The following AP3B1 variants were observed in gnomAD, a reference collection of about 807,000 sequenced individuals.
AP3B1 encodes adaptor related protein complex 3 subunit beta 1.
Under a neutral mutation model 132.5 loss-of-function variants are expected in AP3B1, and 61 were observed. The ratio of observed to expected loss-of-function variants is 0.46; its 90% confidence interval spans 0.37 to 0.57. AP3B1 has a LOEUF of 0.57. Ranked by LOEUF, AP3B1 falls within the 20% of genes least tolerant of loss-of-function variation. The pLI is 0.00. For synonymous variants in AP3B1, 388 were observed against 438.3 expected (o/e 0.89, Z 1.43); for missense variants, 1,120 against 1,289.4 (o/e 0.87, Z 2.01).
At chr5:78,029,699 G>A (rs1049649013) in intron 24 of AP3B1, among the ~76,000 whole-genome samples, 2 of 151,826 alleles carry the variant, frequency 1.3e-5, no homozygotes, top group Non-Finnish European at 2.9e-5. Flanking sequence ...ACAAGTTCTC[G>A]CTATGCTGGC....
At chr5:78,200,828 G>T (rs896891326) in intron 7 of AP3B1, among the ~76,000 whole-genome samples, 1 of 152,108 alleles carries the variant, frequency 6.6e-6, no homozygotes, top group Non-Finnish European at 1.5e-5. Flanking sequence ...AAGGTTTACA[G>T]CTTGGTTGTT....
intron 19 of AP3B1, among the ~76,000 whole-genome samples, chr5:78,112,590 G>A (rs1057361449): frequency 6.6e-6 from 1 of 152,100 alleles, no homozygotes; most frequent in African/African-American, 2.4e-5. Context: ...TTTATAACTC[G>A]TATCATCATA....
chr5:78,250,006 T>C (rs1445848010), intron 2 of AP3B1, among the ~76,000 whole-genome samples: 1 of 152,202 alleles, frequency 6.6e-6, no homozygotes, highest in East Asian at 1.9e-4. Context: ...ATAACAGAAA[T>C]TTCAACAAAT....
rs1746022981 is a variant in AP3B1 at position 78,217,795 on chromosome 5, A to T, written c.604-1558T>A. ...TGGTAAAGGGTGTTAAAGTGCAAAA[A>T]TAAAGGATAGTATCTAGGATAAAAT... is the stretch of plus-strand genomic sequence containing the variant. On this transcript the variant is annotated intron_variant, in intron 6 of 26. Transcript: ENST00000255194. Among the ~76,000 whole-genome samples, 3 of 152,104 alleles carry T rather than the reference A, an allele frequency of 2.0e-5. No homozygotes were observed. In the South Asian group the frequency reaches 6.2e-4, roughly 31 times the overall value.
At chr5:78,023,472 A>G (rs1168848279) in intron 24 of AP3B1, among the ~76,000 whole-genome samples, 1 of 136,430 alleles carries the variant, frequency 7.3e-6, no homozygotes, top group African/African-American at 2.7e-5. Flanking sequence ...GAAAAGAAAA[A>G]AGAAAGGGAA....
chr5:78,194,673 T>C (rs1405626288), intron 7 of AP3B1, among the ~76,000 whole-genome samples: 1 of 152,088 alleles, frequency 6.6e-6, no homozygotes, highest in Non-Finnish European at 1.5e-5. Context: ...AATAAATAAA[T>C]AAATGAGGGA....
At chr5:78,144,141 G>C (rs1430602275) in intron 14 of AP3B1, among the ~76,000 whole-genome samples, 7 of 151,978 alleles carry the variant, frequency 4.6e-5, no homozygotes, top group Admixed American at 4.6e-4. Flanking sequence ...CACACACACA[G>C]AGTCATACAT....
At chr5:78,248,974 G>T (rs1217018498) in intron 2 of AP3B1, among the ~76,000 whole-genome samples, 1 of 151,864 alleles carries the variant, frequency 6.6e-6, no homozygotes, top group Non-Finnish European at 1.5e-5. Flanking sequence ...CTTTATTTTT[G>T]GTTTTCAACC....
chr5:78,287,440 A>T (rs1749329729), intron 1 of AP3B1, among the ~76,000 whole-genome samples: 1 of 152,196 alleles, frequency 6.6e-6, no homozygotes, highest in Admixed American at 6.5e-5. Flanking sequence ...TACAGGCAGT[A>T]TTTCATCAAA....
At chr5:78,119,927 G>A (rs1263836223) in intron 17 of AP3B1, among the ~76,000 whole-genome samples, 2 of 152,174 alleles carry the variant, frequency 1.3e-5, no homozygotes, top group African/African-American at 4.8e-5. Flanking sequence ...AAAACGTTAA[G>A]GGCAGCCAGA....
intron 22 of AP3B1, among the ~76,000 whole-genome samples, chr5:78,085,979 G>C (rs1460959044): frequency 6.6e-6 from 1 of 152,144 alleles, no homozygotes; most frequent in Non-Finnish European, 1.5e-5. Context: ...TTTCAATTTT[G>C]CATATTACGG....
chr5:78,244,143 C>T (rs755566962), intron 2 of AP3B1, among the ~76,000 whole-genome samples: 2 of 152,154 alleles, frequency 1.3e-5, no homozygotes, highest in African/African-American at 4.8e-5. Flanking sequence ...CCTGTAATCC[C>T]GGCACTTTGG....
intron 7 of AP3B1, among the ~76,000 whole-genome samples, chr5:78,185,241 T>C (rs1162716113): frequency 6.6e-6 from 1 of 152,000 alleles, no homozygotes; most frequent in East Asian, 1.9e-4. Flanking sequence ...AGAAAGGAAA[T>C]GATAAAAGAT....
At chr5:78,224,851 C>T (rs1277752584) in intron 6 of AP3B1, among the ~76,000 whole-genome samples, 1 of 151,978 alleles carries the variant, frequency 6.6e-6, no homozygotes, top group Non-Finnish European at 1.5e-5. Flanking sequence ...ATGAAGCAAA[C>T]ACTAACAGAA....
At chr5:78,039,803 GA>G (rs1217620341) in intron 22 of AP3B1, among the ~76,000 whole-genome samples, 9 of 129,894 alleles carry the variant, frequency 6.9e-5, no homozygotes, top group African/African-American at 2.3e-4. Flanking sequence ...GAAAAGAAAA[GA>G]AAAAAAAAAG....
intron 21 of AP3B1, 59 bp from the exon 22 acceptor site, chr5:78,089,558 A>C: frequency 9.1e-7 from 1 of 1,103,466 alleles, no homozygotes; most frequent in South Asian, 1.3e-5. Flanking sequence ...AATTATTAAA[A>C]GCAACATTTT....
In AP3B1 at chr5:78,086,975, G is replaced by A. The variant is rs543807799; in HGVS notation, c.2577+2418C>T. ...AAATACCACAACCCGTAGCATTTGCGTTGCCGAATAACACACCTATATCAA... is the reference window on the plus strand; with the variant it reads ...AAATACCACAACCCGTAGCATTTGCATTGCCGAATAACACACCTATATCAA... On this transcript the variant is annotated intron_variant, in intron 22 of 26. Coordinates refer to ENST00000255194, the MANE Select transcript of AP3B1 (RefSeq NM_003664.5). Among the ~76,000 whole-genome samples, 47 of 152,138 alleles carry A rather than the reference G, an allele frequency of 3.1e-4. No individual in the cohort carries two copies. In the South Asian group the frequency reaches 8.3e-3, roughly 27 times the overall value.
intron 22 of AP3B1, among the ~76,000 whole-genome samples, chr5:78,048,769 C>T (rs1036291955): frequency 6.6e-6 from 1 of 152,160 alleles, no homozygotes; most frequent in African/African-American, 2.4e-5. Flanking sequence ...TGAACTGTAG[C>T]TGTAATTTCC....
At chr5:78,103,580 A>G (rs1316152153) in intron 20 of AP3B1, among the ~76,000 whole-genome samples, 2 of 152,146 alleles carry the variant, frequency 1.3e-5, no homozygotes, top group African/African-American at 4.8e-5. Flanking sequence ...AAGATAGACA[A>G]TTTGTTTTTG....
Sources: gnomAD v4.1 joint callset for allele counts (sites outside exome capture counted in the v4.1 genomes callset) on GRCh38, gnomAD v4.1.1 for gene constraint, MANE v1.5 for transcripts, NCBI Gene and HGNC (gene_info 2026-07-23, HGNC 2026-07-21) for gene names.